SPRED2: variants seen among roughly 807,000 people sequenced by gnomAD.
The protein encoded by SPRED2 is sprouty related EVH1 domain containing 2, also known as sprouty-related, EVH1 domain-containing protein 2.
In SPRED2, 47 loss-of-function variants were observed where a neutral mutation model predicts 43.0. The observed-to-expected ratio is 1.09, with a 90% CI of 0.87 to 1.40. The LOEUF (loss-of-function observed/expected upper bound fraction) is 1.40. Among genes scored for constraint, SPRED2 ranks in the 40% most tolerant of loss-of-function variants. The pLI, the probability that SPRED2 is intolerant of heterozygous loss-of-function variation, is 0.00. For synonymous variants in SPRED2, 225 were observed against 225.7 expected (o/e 1.00, Z 0.03); for missense variants, 561 against 586.4 (o/e 0.96, Z 0.45).
intron 4 of SPRED2, among the ~76,000 whole-genome samples, chr2:65,322,272 A>C (rs11692249): frequency 0.11 from 4,185 of 37,444 alleles, 127 homozygotes; most frequent in Non-Finnish European, 0.13. Flanking sequence ...CTCTCTCTCT[A>C]TATATATATA....
downstream of SPRED2, chr2:65,308,632 T>C (rs1672989692): frequency 1.1e-6 from 1 of 887,842 alleles, no homozygotes; most frequent in African/African-American, 1.8e-5. Flanking sequence ...CTGCTGCGTA[T>C]CCCACTGTAA....
chr2:65,374,865 C>T (rs756672908), intron 1 of SPRED2, among the ~76,000 whole-genome samples: 13 of 152,316 alleles, frequency 8.5e-5, no homozygotes, highest in Admixed American at 2.0e-4. Flanking sequence ...GTGGAGAGCA[C>T]CCAACTTGTT....
At chr2:65,321,373 T>C (rs13409229) in intron 4 of SPRED2, among the ~76,000 whole-genome samples, 33,060 of 151,892 alleles carry the variant, frequency 0.22, 3,709 homozygotes, top group South Asian at 0.27. Flanking sequence ...TCAATGCCTG[T>C]TGCTAAAAAG....
intron 1 of SPRED2, among the ~76,000 whole-genome samples, chr2:65,365,787 G>A (rs1674952994): frequency 6.6e-6 from 1 of 152,066 alleles, no homozygotes; most frequent in African/African-American, 2.4e-5. Context: ...AACACACATA[G>A]GAATGTTTAA....
intron 4 of SPRED2, among the ~76,000 whole-genome samples, chr2:65,329,292 C>A (rs1673736128): frequency 6.6e-6 from 1 of 152,162 alleles, no homozygotes; most frequent in Non-Finnish European, 1.5e-5. Context: ...AATCTAATGA[C>A]AGGGAGCTCA....
At chr2:65,431,412 C>G (rs909282975) in intron 1 of SPRED2, among the ~76,000 whole-genome samples, 1 of 151,828 alleles carries the variant, frequency 6.6e-6, no homozygotes, top group African/African-American at 2.4e-5. Context: ...CGCACCAGAC[C>G]CCCGCGCAGC....
intron 1 of SPRED2, among the ~76,000 whole-genome samples, chr2:65,401,973 A>ACCCC (rs755063016): frequency 6.7e-6 from 1 of 148,352 alleles, no homozygotes; most frequent in Non-Finnish European, 1.5e-5. Context: ...ACACACACAC[A>ACCCC]CCTGTTAATT....
intron 1 of SPRED2, among the ~76,000 whole-genome samples, chr2:65,356,402 G>A (rs1287326881): frequency 6.6e-6 from 1 of 152,104 alleles, no homozygotes; most frequent in Non-Finnish European, 1.5e-5. Context: ...TATTGGGAGA[G>A]TGAGAGATTT....
intron 1 of SPRED2, among the ~76,000 whole-genome samples, chr2:65,392,859 G>C (rs1225869076): frequency 6.6e-6 from 1 of 152,182 alleles, no homozygotes; most frequent in Non-Finnish European, 1.5e-5. Context: ...GGTTGTCGGG[G>C]AAGACTGTTG....
intron 1 of SPRED2, among the ~76,000 whole-genome samples, chr2:65,392,818 T>TC (rs368832985): frequency 1.2e-3 from 181 of 152,254 alleles, no homozygotes; most frequent in African/African-American, 4.3e-3. Flanking sequence ...CACTCAGTCC[T>TC]CCCCCTCCTC....
chr2:65,350,553 C>T lies in SPRED2; in HGVS notation c.27-5657G>A, dbSNP rs1005325415. 2.6e-5 allele frequency among the ~76,000 whole-genome samples: 4 copies of T among 152,176 alleles called. No homozygotes were observed. The East Asian group carries it at 7.7e-4, about 29-fold the overall frequency. The stretch of plus-strand genomic sequence containing the variant: ...GCAAAACTGGCTGGACTGAGGATCT[C>T]CCATTTAAATGTGGCTTCTTTAAGG... On this transcript the variant is annotated intron_variant, in intron 1 of 5. Coordinates refer to ENST00000356388, the MANE Select transcript of SPRED2 (RefSeq NM_181784.3).
At position 65,311,313 on chromosome 2, in the gene SPRED2, T is replaced by C; in HGVS notation, c.*2188A>G. On this transcript the variant is annotated 3_prime_UTR_variant, in exon 6 of 6. Coordinates refer to ENST00000356388, the MANE Select transcript of SPRED2 (RefSeq NM_181784.3). Reference sequence around the variant, plus strand: ...TGTCTTTGTGCCCTTAACCGATGCCTTCACAAACCAAAAAGTATACGTGGA... The same window carrying C: ...TGTCTTTGTGCCCTTAACCGATGCCCTCACAAACCAAAAAGTATACGTGGA... 1.0e-6 allele frequency: 1 copy of C among 985,830 alleles called. No homozygotes were observed. Among genetic ancestry groups the C allele is most frequent in the South Asian group, 4.7e-5 (1 of 21,286 alleles). 61.1% of individuals were successfully genotyped at this position (985,830 alleles called of 1,614,324 possible).
intron 1 of SPRED2, chr2:65,373,584 T>C (rs1313924568): frequency 6.6e-6 from 1 of 152,266 alleles, no homozygotes; most frequent in African/African-American, 2.4e-5. Context: ...CACTGGACTT[T>C]TATCCCAAAC....
chr2:65,343,949 C>A (rs375502171), intron 2 of SPRED2, among the ~76,000 whole-genome samples: 13 of 152,074 alleles, frequency 8.5e-5, no homozygotes, highest in African/African-American at 3.1e-4. Context: ...GAGTTCGAGA[C>A]CAACCTAGCC....
intron 1 of SPRED2, among the ~76,000 whole-genome samples, chr2:65,397,136 C>G (rs781604716): frequency 1.3e-5 from 2 of 152,118 alleles, no homozygotes; most frequent in Non-Finnish European, 2.9e-5. Flanking sequence ...CTTTTCTCTC[C>G]TTGTTTTGAA....
intron 1 of SPRED2, among the ~76,000 whole-genome samples, chr2:65,430,812 G>C (rs893262895): frequency 6.6e-6 from 1 of 152,126 alleles, no homozygotes; most frequent in Non-Finnish European, 1.5e-5. Context: ...TTATGAATGT[G>C]CAGGGGAGGA....
chr2:65,338,685 A>G (rs1674060742), intron 2 of SPRED2, among the ~76,000 whole-genome samples: 2 of 151,474 alleles, frequency 1.3e-5, no homozygotes, highest in African/African-American at 4.8e-5. Context: ...TGGCCCCCCA[A>G]AGTGCGGAGA....
chr2:65,424,078 C>T (rs532722077), intron 1 of SPRED2, among the ~76,000 whole-genome samples: 9 of 152,192 alleles, frequency 5.9e-5, no homozygotes, highest in Non-Finnish European at 2.9e-5. Flanking sequence ...CATGAACCAC[C>T]ATGCCTGGTC....
intron 1 of SPRED2, among the ~76,000 whole-genome samples, chr2:65,362,414 C>T (rs1052514645): frequency 6.6e-6 from 1 of 152,066 alleles, no homozygotes; most frequent in Non-Finnish European, 1.5e-5. Flanking sequence ...CAACTACAGG[C>T]GCCCGACACC....
Sources: allele counts gnomAD v4.1 joint callset (sites outside exome capture counted in the v4.1 genomes callset), GRCh38; gene constraint gnomAD v4.1.1; transcripts MANE v1.5; gene names NCBI Gene and HGNC (gene_info 2026-07-23, HGNC 2026-07-21).